CAB39L: variants seen among roughly 807,000 people sequenced by gnomAD.
CAB39L encodes the protein calcium-binding protein 39-like.
In CAB39L, 23 loss-of-function variants were observed where a neutral mutation model predicts 39.1. The observed-to-expected ratio is 0.59, with a 90% confidence interval of 0.42 to 0.83. CAB39L has a LOEUF of 0.83. Among genes scored for constraint, CAB39L ranks in the 40% least tolerant of loss-of-function variants. CAB39L has a pLI of 0.00. For missense variants in CAB39L, 366 were observed against 391.9 expected (o/e 0.93, Z 0.56); for synonymous variants, 126 against 137.2 (o/e 0.92, Z 0.57).
intron 7 of CAB39L, among the ~76,000 whole-genome samples, chr13:49,349,977 T>C (rs958916711): frequency 1.1e-4 from 17 of 152,308 alleles, no homozygotes; most frequent in African/African-American, 4.1e-4. Context: ...ATATATTCTC[T>C]GAACATTTTT....
intron 3 of CAB39L, among the ~76,000 whole-genome samples, chr13:49,413,452 A>G (rs1239841832): frequency 6.6e-6 from 1 of 152,250 alleles, no homozygotes; most frequent in Non-Finnish European, 1.5e-5. Flanking sequence ...GTGAGATAGA[A>G]AAAGGAACAA....
chr13:49,327,608 T>C (rs746908409), intron 10 of CAB39L, among the ~76,000 whole-genome samples: 10 of 151,960 alleles, frequency 6.6e-5, no homozygotes, highest in Non-Finnish European at 1.2e-4. Flanking sequence ...CCGGATTCCA[T>C]GCATGTTTTT....
intron 1 of CAB39L, among the ~76,000 whole-genome samples, chr13:49,439,920 G>GTTTTTTTTTTTTTTTTTTTTTTTTTTT (rs1270438947): frequency 2.4e-5 from 1 of 41,364 alleles, no homozygotes; most frequent in African/African-American, 7.7e-5. Context: ...CTTTTTAATG[G>GTTTTTTTTTTTTTTTTTTTTTTTTTTT]GTTTTTTTTT....
chr13:49,401,243 T>G (rs1202195209), intron 3 of CAB39L: 1 of 152,118 alleles, frequency 6.6e-6, no homozygotes, highest in Admixed American at 6.6e-5. Context: ...GAAGTAGCCT[T>G]TATCGTCCAT....
intron 10 of CAB39L, among the ~76,000 whole-genome samples, chr13:49,313,534 A>G (rs1359618003): frequency 6.6e-6 from 1 of 152,082 alleles, no homozygotes; most frequent in Admixed American, 6.5e-5. Flanking sequence ...AGATACGTCA[A>G]CTCAGCAGGT....
chr13:49,393,680 T>C (rs963285169), intron 3 of CAB39L, among the ~76,000 whole-genome samples: 1 of 151,936 alleles, frequency 6.6e-6, no homozygotes, highest in Non-Finnish European at 1.5e-5. Flanking sequence ...TAGGAAAGAT[T>C]TGAGGTTAAA....
At chr13:49,364,387 G>A (rs960032782) in intron 5 of CAB39L, among the ~76,000 whole-genome samples, 1 of 152,136 alleles carries the variant, frequency 6.6e-6, no homozygotes, top group Non-Finnish European at 1.5e-5. Flanking sequence ...CTTAGATTTG[G>A]AGCATGACAA....
At chr13:49,330,888 T>C (rs762110331) in intron 10 of CAB39L, among the ~76,000 whole-genome samples, 6 of 151,996 alleles carry the variant, frequency 3.9e-5, no homozygotes, top group Non-Finnish European at 7.4e-5. Flanking sequence ...ATCAATGACA[T>C]AGGACTATTA....
chr13:49,372,985 T>C (rs1165936021), intron 5 of CAB39L, among the ~76,000 whole-genome samples: 1 of 152,206 alleles, frequency 6.6e-6, no homozygotes, highest in Non-Finnish European at 1.5e-5. Context: ...ACATGTATTA[T>C]TAGTACAAAG....
intron 7 of CAB39L, among the ~76,000 whole-genome samples, chr13:49,348,445 G>A (rs968893461): frequency 6.6e-6 from 1 of 152,128 alleles, no homozygotes; most frequent in African/African-American, 2.4e-5. Flanking sequence ...GTATGCGCCC[G>A]TGGTCCCAGC....
chr13:49,320,123 T>G (rs1015957757), intron 10 of CAB39L, among the ~76,000 whole-genome samples: 1 of 152,230 alleles, frequency 6.6e-6, no homozygotes, highest in African/African-American at 2.4e-5. Flanking sequence ...AGTGCATGAT[T>G]CCCTTGGGGC....
At chr13:49,420,476 G>A (rs946569703) in intron 3 of CAB39L, 13 of 152,232 alleles carry the variant, frequency 8.5e-5, no homozygotes, top group African/African-American at 2.9e-4. Flanking sequence ...ACAAAACGCT[G>A]TTTATTTCAT....
At chr13:49,434,797 C>G (rs980929522) in intron 1 of CAB39L, among the ~76,000 whole-genome samples, 2 of 152,050 alleles carry the variant, frequency 1.3e-5, no homozygotes, top group African/African-American at 2.4e-5. Flanking sequence ...TATATCCCAC[C>G]AAGAAAGTAC....
At chr13:49,366,486 G>A (rs1441136445) in intron 5 of CAB39L, among the ~76,000 whole-genome samples, 1 of 151,490 alleles carries the variant, frequency 6.6e-6, no homozygotes, top group Non-Finnish European at 1.5e-5. Flanking sequence ...AATTAGCTAG[G>A]CTTGGTGGCA....
intron 10 of CAB39L, among the ~76,000 whole-genome samples, chr13:49,313,694 G>A (rs1444441080): frequency 6.6e-6 from 1 of 152,140 alleles, no homozygotes; most frequent in Non-Finnish European, 1.5e-5. Context: ...ATGACCACAT[G>A]ACCAGAATGC....
chr13:49,333,943 C>T (rs1028871000), intron 9 of CAB39L, among the ~76,000 whole-genome samples: 1 of 152,154 alleles, frequency 6.6e-6, no homozygotes, highest in Admixed American at 6.5e-5. Flanking sequence ...CACTTAGCGT[C>T]TCTAAAACCA....
chr13:49,366,328 C>CAT (rs1955769444), intron 5 of CAB39L, among the ~76,000 whole-genome samples: 1 of 151,624 alleles, frequency 6.6e-6, no homozygotes, highest in Non-Finnish European at 1.5e-5. Context: ...TAAAATATCT[C>CAT]ATATACACTA....
chr13:49,350,775 T>C lies in CAB39L; in HGVS notation c.533A>G (p.Asp178Gly), dbSNP rs1220453841. 29 of 1,583,346 alleles carry C rather than the reference T, an allele frequency of 1.8e-5. 1 individual carries two copies. Among genetic ancestry groups the C allele is most frequent in the South Asian group, 1.7e-4 (14 of 84,612 alleles). The change falls in exon 7 of 11, where the codon GAT becomes GGT. Residue 178 changes from aspartate (D) to glycine (G), a missense_variant. Asp to Gly is a moderately conservative substitution (Grantham distance 94, BLOSUM62 -1). Coordinates refer to ENST00000409308, the MANE Select transcript of CAB39L (RefSeq NM_001079670.3). ...FFKYVELSTF[D>G]IASDAFATFK... is the part of the protein sequence containing the mutation. ...AGTAGCAAAGGCATCTGAAGCAATA[T>C]CAAATGTTGACAACTCCACGTACTT...
chr13:49,329,544 A>AAAAT (rs1555252274), intron 10 of CAB39L, among the ~76,000 whole-genome samples: 4 of 33,804 alleles, frequency 1.2e-4, no homozygotes, highest in Admixed American at 3.8e-4. Context: ...TAAAAAAAAA[A>AAAAT]ATATATATAT....
Sources: allele counts gnomAD v4.1 joint callset (sites outside exome capture counted in the v4.1 genomes callset), GRCh38; gene constraint gnomAD v4.1.1; transcripts MANE v1.5; gene names NCBI Gene and HGNC (gene_info 2026-07-23, HGNC 2026-07-21).